The following KDF1 variants were observed in gnomAD, a reference collection of about 807,000 sequenced individuals.
The protein encoded by KDF1 is keratinocyte differentiation factor 1.
A neutral mutation model predicts 31.6 loss-of-function variants in KDF1; 11 were observed. The observed-to-expected ratio is 0.35, with a 90% CI of 0.22 to 0.58. KDF1 has a LOEUF of 0.58. Ranked by LOEUF, KDF1 falls within the 20% of genes least tolerant of loss-of-function variation. The pLI, the probability that KDF1 is intolerant of heterozygous loss-of-function variation, is 0.83. For synonymous variants in KDF1, 205 were observed against 214.4 expected (o/e 0.96, Z 0.38); for missense variants, 476 against 549.1 (o/e 0.87, Z 1.33).
Position 26,952,580 on chromosome 1 carries a change from A to C in KDF1, c.-32-168T>G, listed in dbSNP as rs986718413. ...GATGTGGATGGACCCAAGTATGCCC[A>C]AAAACCCTTATCTCTTGTGGCCCTC... is the stretch of plus-strand genomic sequence containing the variant. On this transcript the variant is annotated intron_variant, in intron 1 of 3. Coordinates refer to ENST00000320567, the MANE Select transcript of KDF1 (RefSeq NM_152365.3). The surrounding 1 kb of genome is among the most constrained non-coding windows in gnomAD (Gnocchi z 4.1). Among the ~76,000 whole-genome samples the C allele has an allele frequency of 2.0e-5, 3 of 152,130 alleles. No homozygotes were observed. Among genetic ancestry groups the C allele is most frequent in the Middle Eastern group, 3.2e-3 (1 of 316 alleles).
At position 26,950,632 on chromosome 1, in the gene KDF1, C is replaced by T. The variant is rs765092084; in HGVS notation, c.1114+50G>A. ...CTGGGAGAGCAGCAGGTGAGGGGCC[C>T]CTAGGGTAGTCCCCCACCCTCCACA... On this transcript the variant is annotated intron_variant, in intron 3 of 3. Coordinates refer to ENST00000320567, the MANE Select transcript of KDF1 (RefSeq NM_152365.3). This position sits in a 1 kb window ranked among gnomAD's most constrained non-coding sequence, Gnocchi z 4.0. 2.6e-6 allele frequency: 4 copies of T among 1,537,974 alleles called. No homozygotes were observed. The highest frequency in any genetic ancestry group is 2.7e-6 in the Non-Finnish European group (3 of 1,112,578).
intron 1 of KDF1, among the ~76,000 whole-genome samples, chr1:26,958,944 C>G (rs751546006): frequency 1.3e-5 from 2 of 152,344 alleles, no homozygotes; most frequent in African/African-American, 2.4e-5. Flanking sequence ...TAAATTAATA[C>G]AACGAGGTGC....
chr1:26,958,288 C>T (rs2082386306), intron 1 of KDF1, among the ~76,000 whole-genome samples: 1 of 151,844 alleles, frequency 6.6e-6, no homozygotes, highest in Non-Finnish European at 1.5e-5. Context: ...CAGGCGCGTG[C>T]CACGCCTGGC....
intron 1 of KDF1, among the ~76,000 whole-genome samples, chr1:26,954,839 A>G (rs1308442532): frequency 2.0e-5 from 3 of 147,134 alleles, no homozygotes; most frequent in Admixed American, 6.7e-5. Flanking sequence ...CTGTCTCAAA[A>G]AAAAAAAAAA....
At chr1:26,959,469 G>GACTA (rs766734851) in intron 1 of KDF1, among the ~76,000 whole-genome samples, 2 of 152,108 alleles carry the variant, frequency 1.3e-5, no homozygotes, top group African/African-American at 4.8e-5. Flanking sequence ...AATAAGGAGA[G>GACTA]ACTAGTATCT....
At chr1:26,955,015 G>A (rs6702915) in intron 1 of KDF1, among the ~76,000 whole-genome samples, 34,169 of 151,016 alleles carry the variant, frequency 0.23, 4,091 homozygotes, top group Middle Eastern at 0.33. Flanking sequence ...CCGCTACCAC[G>A]CCCAGCTAAT....
intron 1 of KDF1, among the ~76,000 whole-genome samples, chr1:26,957,567 A>G (rs1314044463): frequency 6.6e-6 from 1 of 152,154 alleles, no homozygotes; most frequent in Non-Finnish European, 1.5e-5. Context: ...GGTACAAAGA[A>G]AAAAAGACTT....
chr1:26,950,227 CCTG>C lies in KDF1; in HGVS notation c.1115-79_1115-77del, dbSNP rs1192771347. ...TCCAGATCCCATGACCAGGGAGAAGCCTGCTGAGAAGGAGCAGAGTGGGACTTG... is the reference window on the plus strand; with the variant it reads ...TCCAGATCCCATGACCAGGGAGAAGCCTGAGAAGGAGCAGAGTGGGACTTG... On this transcript the variant is annotated intron_variant, in intron 3 of 3. Coordinates refer to ENST00000320567, the MANE Select transcript of KDF1 (RefSeq NM_152365.3). This position sits in a 1 kb window ranked among gnomAD's most constrained non-coding sequence, Gnocchi z 4.0. The C allele has an allele frequency of 2.8e-5, 39 of 1,388,568 alleles. No homozygotes were observed. Among genetic ancestry groups the C allele is most frequent in the Non-Finnish European group, 5.1e-6 (5 of 978,126 alleles). The allele number at this position is 1,388,568 out of a possible 1,614,324, so 86.0% of individuals were successfully genotyped here. A position where few individuals can be genotyped will look rare whatever the true frequency, so the allele number is the denominator to read the frequency against.
chr1:26,957,144 T>A (rs966896431), intron 1 of KDF1, among the ~76,000 whole-genome samples: 1 of 152,212 alleles, frequency 6.6e-6, no homozygotes, highest in Admixed American at 6.5e-5. Flanking sequence ...GCTATGTTGC[T>A]CAGGTGGTCT....
chr1:26,956,412 C>T (rs923106237), intron 1 of KDF1, among the ~76,000 whole-genome samples: 27 of 152,162 alleles, frequency 1.8e-4, no homozygotes, highest in South Asian at 4.1e-4. Context: ...TAGAGGAACA[C>T]GGCAGACACC....
Position 26,951,330 on chromosome 1 carries a change from G to A in KDF1, c.1039+12C>T, listed in dbSNP as rs1261824499. 2.6e-6 allele frequency: 4 copies of A among 1,539,652 alleles called. No homozygotes were observed. The Admixed American group carries it at 5.7e-5, about 22-fold the overall frequency. On this transcript the variant is annotated intron_variant, in intron 2 of 3. Transcript: ENST00000320567. The surrounding 1 kb of genome is among the most constrained non-coding windows in gnomAD (Gnocchi z 5.4). ...CTACTCTGCCCCTCAGCCCCATGGG[G>A]CCCCCACCTACCATCCTGGCTGAGA...
intron 1 of KDF1, among the ~76,000 whole-genome samples, chr1:26,954,401 T>G (rs2082367352): frequency 6.6e-6 from 1 of 151,892 alleles, no homozygotes; most frequent in African/African-American, 2.4e-5. Context: ...GTTTTGTATT[T>G]TTAGTAGAGA....
At chr1:26,959,353 AC>A (rs930891185) in intron 1 of KDF1, among the ~76,000 whole-genome samples, 10 of 150,004 alleles carry the variant, frequency 6.7e-5, no homozygotes, top group Non-Finnish European at 1.5e-4. Context: ...CCCCGCCACC[AC>A]CCCGCCCAAT....
rs768659946 is a variant in KDF1, at chr1:26,952,137, C to T, written c.244G>A (p.Val82Met). The T allele has an allele frequency of 1.2e-6, 2 of 1,613,464 alleles. No individual in the cohort carries two copies. The highest frequency in any genetic ancestry group is 1.7e-6 in the Non-Finnish European group (2 of 1,179,914). ...AAGGCAGCCCGGCACCACTCCCACA[C>T]CCAGGGTCGCCAGAGCAGGCAGCAG... The part of the protein sequence containing the change: ...PTCCLLWRPW[V>M]WEWCRAAFCF... Residue 82 changes from valine to methionine, a missense_variant, in exon 2 of 4, where the codon GTG (valine) becomes ATG (methionine). Coordinates refer to ENST00000320567, the MANE Select transcript of KDF1 (RefSeq NM_152365.3). The surrounding 1 kb of genome is among the most constrained non-coding windows in gnomAD (Gnocchi z 4.1).
At position 26,952,003 on chromosome 1, in the gene KDF1, G is replaced by C; in HGVS notation, c.378C>G (p.Asn126Lys). ...EDSTEGTAEA[N>K]WAKEHNGVPP... The stretch of plus-strand genomic sequence containing the variant: ...GCACTCCATTGTGCTCCTTGGCCCA[G>C]TTGGCTTCAGCAGTCCCCTCAGTGG... Residue 126 changes from asparagine (N) to lysine (K), a missense_variant, in exon 2 of 4, where the codon AAC becomes AAG. Asn to Lys is a moderately conservative substitution (Grantham distance 94). Around this residue, in one of 2 missense-constraint regions of KDF1, gnomAD observed 330 missense variants for 332.3 expected, o/e 0.99. Transcript: ENST00000320567. The surrounding 1 kb of genome is among the most constrained non-coding windows in gnomAD (Gnocchi z 4.1). 2 of 1,612,764 alleles carry C rather than the reference G, an allele frequency of 1.2e-6. No individual in the cohort carries two copies. The highest frequency in any genetic ancestry group is 1.7e-6 in the Non-Finnish European group (2 of 1,179,248).
rs756930866 is a variant in KDF1, at chr1:26,950,030, T to C, written c.*39A>G. 1.7e-5 allele frequency: 27 copies of C among 1,577,240 alleles called. No individual in the cohort carries two copies. The African/African-American group carries it at 3.4e-4, about 20-fold the overall frequency. On this transcript the variant is annotated 3_prime_UTR_variant, in exon 4 of 4. Coordinates refer to ENST00000320567, the MANE Select transcript of KDF1 (RefSeq NM_152365.3). This position sits in a 1 kb window ranked among gnomAD's most constrained non-coding sequence, Gnocchi z 4.0. ...CCCCTCTTCATTCTGTAGGCCATGC[T>C]TCTCCCAGAAAGGGTGTGGCAGCTG...
rs1023644950 is a variant in KDF1 at position 26,960,254 on chromosome 1, G to A, written c.-33+96C>T. 6 of 152,186 alleles carry A rather than the reference G, an allele frequency of 3.9e-5. No individual in the cohort carries two copies. Among genetic ancestry groups the A allele is most frequent in the Non-Finnish European group, 7.4e-5 (5 of 68,016 alleles). The allele number at this position is 152,186 out of a possible 1,614,324, so 9.4% of individuals were successfully genotyped here. ...TAGGAGGGTGGCCCCCGAGGAACCG[G>A]GCCCGGGACCCTCTCCTGTCCGGGC... On this transcript the variant is annotated intron_variant, in intron 1 of 3. Transcript: ENST00000320567. The surrounding 1 kb of genome is among the most constrained non-coding windows in gnomAD (Gnocchi z 4.9).
intron 1 of KDF1, among the ~76,000 whole-genome samples, chr1:26,954,851 G>T (rs756382549): frequency 7.2e-6 from 1 of 138,828 alleles, no homozygotes; most frequent in African/African-American, 2.7e-5. Context: ...AAAAAAAAAA[G>T]TTAATAAGTT....
Position 26,952,068 on chromosome 1 carries a change from A to C in KDF1, c.313T>G (p.Cys105Gly), listed in dbSNP as rs141234946. The part of the protein sequence containing the change: ...CRDCLQRCGA[C>G]VRGCSPCLST... The stretch of plus-strand genomic sequence containing the variant: ...AGGCAGGGGCTGCATCCCCGCACAC[A>C]GGCTCCACAGCGCTGGAGGCAATCC... Residue 105 changes from cysteine to glycine, a missense_variant, in exon 2 of 4, where the codon TGT becomes GGT. By Grantham distance (159) the Cys-to-Gly change is radical (BLOSUM62 -3). Transcript: ENST00000320567. The surrounding 1 kb of genome is among the most constrained non-coding windows in gnomAD (Gnocchi z 4.1). The C allele has an allele frequency of 1.2e-5, 20 of 1,613,222 alleles. No individual in the cohort carries two copies. Among genetic ancestry groups the C allele is most frequent in the Non-Finnish European group, 1.5e-5 (18 of 1,179,878 alleles).
Sources: gnomAD v4.1 joint callset for allele counts (sites outside exome capture counted in the v4.1 genomes callset) on GRCh38, gnomAD v4.1.1 for gene constraint, gnomAD v4.1.1 regional missense constraint, Gnocchi (gnomAD v3.1) non-coding constraint, MANE v1.5 for transcripts, NCBI Gene and HGNC (gene_info 2026-07-23, HGNC 2026-07-21) for gene names.